CPEB2: variants seen among roughly 807,000 people sequenced by gnomAD.
CPEB2 encodes the protein cytoplasmic polyadenylation element binding protein 2.
In CPEB2, 56 loss-of-function variants were observed where a neutral mutation model predicts 93.6. The ratio of observed to expected loss-of-function variants is 0.60; its 90% CI spans 0.48 to 0.75. The LOEUF (loss-of-function observed/expected upper bound fraction) is 0.75, where lower values mean the gene tolerates loss of function less well. Ranked by LOEUF, CPEB2 falls within the 30% of genes least tolerant of loss-of-function variation. The probability of loss-of-function intolerance (pLI) is 0.00; values close to 1 mark genes in which losing one functional copy is unlikely to be tolerated. For synonymous variants in CPEB2, 764 were observed against 586.3 expected, an observed-to-expected ratio of 1.30 and a Z score of -4.38; for missense variants, 1,579 against 1,395.1, an observed-to-expected ratio of 1.13 and a Z score of -2.10.
chr4:15,008,239 A>T, intron 2 of CPEB2, 99 bp from the exon 3 acceptor site: 1 of 803,228 alleles, frequency 1.2e-6, no homozygotes, highest in Non-Finnish European at 2.1e-6. Context: ...ATGAGGATTT[A>T]AGATAGAGCT....
chr4:15,003,680 C>T lies in CPEB2; in HGVS notation c.1007C>T (p.Ala336Val), dbSNP rs768561884. The change falls in exon 1 of 12, where the codon GCG (alanine) becomes GTG (valine). Residue 336 changes from alanine to valine, a missense_variant. By Grantham distance (64) the Ala-to-Val change is moderately conservative. This residue lies in a region of CPEB2 where 1,411 missense variants were observed against 1,056.0 expected (regional missense o/e 1.34). Coordinates refer to ENST00000538197, the MANE Select transcript of CPEB2 (RefSeq NM_001177382.2). The stretch of plus-strand genomic sequence containing the variant: ...CTCCTGCCCGGAGGTGCGCTTGGCG[C>T]GGGCGCCTTCAGCAGCCTGCAGAGC... ...SNLLPGGALG[A>V]GAFSSLQSPD... 1.4e-6 allele frequency: 2 copies of T among 1,457,594 alleles called. No individual in the cohort carries two copies. Among genetic ancestry groups the T allele is most frequent in the Non-Finnish European group, 1.8e-6 (2 of 1,106,472 alleles). 90.3% of individuals were successfully genotyped at this position (1,457,594 alleles called of 1,614,324 possible). A position where few individuals can be genotyped will look rare whatever the true frequency, so the allele number is the denominator to read the frequency against.
intron 10 of CPEB2, among the ~76,000 whole-genome samples, chr4:15,061,372 T>C (rs987591464): frequency 1.3e-5 from 2 of 152,024 alleles, no homozygotes; most frequent in Non-Finnish European, 2.9e-5. Context: ...ATCAGTGAGG[T>C]AGGAGCAGAA....
At position 15,007,448 on chromosome 4, in the gene CPEB2, A is replaced by G. The variant is rs1315340542; in HGVS notation, c.1806A>G (p.Pro602=). The G allele has an allele frequency of 6.2e-7, 1 of 1,614,086 alleles. No homozygotes were observed. Among genetic ancestry groups the G allele is most frequent in the Non-Finnish European group, 8.5e-7 (1 of 1,179,948 alleles). Residue 602 remains proline, a synonymous_variant, in exon 2 of 12, where the codon CCA becomes CCG. Transcript: ENST00000538197. ...GIPGTMNQIS[P]LKKPFSGNVI... The stretch of plus-strand genomic sequence containing the variant: ...CAGGAACTATGAATCAGATATCTCC[A>G]TTGAAGAAACCGTTTTCTGGTAATG...
At position 15,004,299 on chromosome 4, in the gene CPEB2, C is replaced by T; in HGVS notation, c.1626C>T (p.Ala542=). ...LQQQHQAAAA[A]FLQQRNSYNH... ...AGCAGCACCAGGCGGCGGCCGCCGC[C>T]TTCCTGCAGCAGAGGAACTCCTATA... The change falls in exon 1 of 12, where the codon GCC becomes GCT. Residue 542 remains alanine (A), a synonymous_variant. Transcript: ENST00000538197. 1.3e-6 allele frequency: 2 copies of T among 1,492,752 alleles called. No homozygotes were observed. The highest frequency in any genetic ancestry group is 2.5e-5 in the South Asian group (2 of 80,256). 92.5% of individuals were successfully genotyped at this position (1,492,752 alleles called of 1,614,324 possible).
chr4:15,038,541 C>T (rs933429990), intron 5 of CPEB2, among the ~76,000 whole-genome samples: 2 of 150,302 alleles, frequency 1.3e-5, no homozygotes, highest in African/African-American at 2.4e-5. Context: ...GACTGTTGAC[C>T]ATTTCTAGGC....
Position 15,069,755 on chromosome 4 carries a change from A to G in CPEB2, c.*3375A>G, listed in dbSNP as rs924926753. The G allele has an allele frequency of 6.6e-6, 1 of 152,346 alleles. No homozygotes were observed. Among genetic ancestry groups the G allele is most frequent in the African/African-American group, 2.4e-5 (1 of 41,538 alleles). The allele number at this position is 152,346 out of a possible 1,614,324, so 9.4% of individuals were successfully genotyped here. A position where few individuals can be genotyped will look rare whatever the true frequency, so the allele number is the denominator to read the frequency against. On this transcript the variant is annotated 3_prime_UTR_variant, in exon 12 of 12. Coordinates refer to ENST00000538197, the MANE Select transcript of CPEB2 (RefSeq NM_001177382.2). ...AAATCTTTGTAATATTAAAGCAACT[A>G]GTTTCTAATTCCCAGTTTCTGTATA...
chr4:15,054,333 T>C, intron 8 of CPEB2, 116 bp downstream of exon 8: 1 of 741,082 alleles, frequency 1.3e-6, no homozygotes, highest in East Asian at 2.6e-5. Context: ...ATTTGATAAT[T>C]TCATAGACTC....
intron 1 of CPEB2, among the ~76,000 whole-genome samples, chr4:15,005,895 T>G (rs1057212669): frequency 6.2e-4 from 94 of 152,354 alleles, no homozygotes; most frequent in Non-Finnish European, 1.1e-3. Flanking sequence ...TTTTGTTATC[T>G]GGAAACTTGC....
intron 6 of CPEB2, among the ~76,000 whole-genome samples, chr4:15,050,556 A>C (rs573295335): frequency 6.6e-6 from 1 of 152,178 alleles, no homozygotes; most frequent in Non-Finnish European, 1.5e-5. Flanking sequence ...AATACATGCA[A>C]TGTGACTCCT....
At chr4:15,047,734 CTTT>C (rs1333818497) in intron 6 of CPEB2, among the ~76,000 whole-genome samples, 2 of 151,542 alleles carry the variant, frequency 1.3e-5, no homozygotes, top group African/African-American at 2.4e-5. Flanking sequence ...TTTTCATCTT[CTTT>C]GATTTGTTGT....
chr4:15,053,216 C>G (rs1728402439), intron 7 of CPEB2, among the ~76,000 whole-genome samples: 1 of 152,014 alleles, frequency 6.6e-6, no homozygotes, highest in South Asian at 2.1e-4. Context: ...CGGGGTTTCA[C>G]TGTGTTAGCC....
chr4:15,064,193 T>G (rs1729474649), intron 11 of CPEB2, among the ~76,000 whole-genome samples: 2 of 152,080 alleles, frequency 1.3e-5, no homozygotes, highest in Admixed American at 6.6e-5. Flanking sequence ...ATTCATTATA[T>G]TTTTTTGTAT....
chr4:15,034,598 C>T (rs1364900011), intron 5 of CPEB2, among the ~76,000 whole-genome samples: 4 of 151,914 alleles, frequency 2.6e-5, no homozygotes, highest in African/African-American at 9.7e-5. Flanking sequence ...CTTTTTCTGG[C>T]AAGGTACTAG....
intron 6 of CPEB2, among the ~76,000 whole-genome samples, chr4:15,049,249 G>A (rs1048658938): frequency 4.0e-5 from 6 of 151,396 alleles, no homozygotes; most frequent in South Asian, 4.2e-4. Flanking sequence ...ATTTGTCACC[G>A]CATTCTTTTT....
intron 6 of CPEB2, among the ~76,000 whole-genome samples, chr4:15,048,402 GCAGA>G (rs1213973984): frequency 6.6e-6 from 1 of 151,406 alleles, no homozygotes; most frequent in Non-Finnish European, 1.5e-5. Flanking sequence ...TTTTTTTTTA[GCAGA>G]CAAAGAACTT....
intron 11 of CPEB2, among the ~76,000 whole-genome samples, chr4:15,065,084 C>T (rs188056468): frequency 1.1e-4 from 16 of 152,140 alleles, no homozygotes; most frequent in African/African-American, 2.6e-4. Flanking sequence ...AATTCCATTA[C>T]CTGTCTATCA....
intron 5 of CPEB2, among the ~76,000 whole-genome samples, chr4:15,033,579 G>T (rs1038357122): frequency 6.6e-6 from 1 of 152,172 alleles, no homozygotes; most frequent in Non-Finnish European, 1.5e-5. Flanking sequence ...GTTTGCAAAG[G>T]CATAGAACTT....
chr4:15,054,157 G>A lies in CPEB2; in HGVS notation c.2401G>A (p.Gly801Arg). Residue 801 changes from glycine to arginine, a missense_variant, in exon 8 of 12, where the codon GGG (glycine) becomes AGG (arginine). Gly to Arg is a moderately radical substitution (Grantham distance 125). Around this residue, in one of 2 missense-constraint regions of CPEB2, gnomAD observed 168 missense variants for 339.1 expected, o/e 0.50. Coordinates refer to ENST00000538197, the MANE Select transcript of CPEB2 (RefSeq NM_001177382.2). ...AATAACTGCTAGCTTCAGAAGATTT[G>A]GGCCTTTGGTAGTAGATTGGCCTCA... ...DEITASFRRF[G>R]PLVVDWPHKA... 1.2e-6 allele frequency: 2 copies of A among 1,610,134 alleles called. No individual in the cohort carries two copies. Among genetic ancestry groups the A allele is most frequent in the Non-Finnish European group, 8.5e-7 (1 of 1,178,334 alleles).
intron 4 of CPEB2, among the ~76,000 whole-genome samples, chr4:15,026,974 T>C (rs899893221): frequency 2.6e-5 from 4 of 152,184 alleles, no homozygotes; most frequent in African/African-American, 9.6e-5. Flanking sequence ...CTACTGGTTA[T>C]CAGCATTACT....
Sources: gnomAD v4.1 joint callset for allele counts (sites outside exome capture counted in the v4.1 genomes callset) on GRCh38, gnomAD v4.1.1 for gene constraint, gnomAD v4.1.1 regional missense constraint, MANE v1.5 for transcripts, NCBI Gene and HGNC (gene_info 2026-07-23, HGNC 2026-07-21) for gene names.